COL6A5: variants seen among roughly 807,000 people sequenced by gnomAD.
COL6A5 encodes the protein collagen type VI alpha 5 chain, also known as collagen alpha-5(VI) chain.
Under a neutral mutation model 65.6 loss-of-function variants are expected in COL6A5, and 48 were observed. The ratio of observed to expected loss-of-function variants is 0.73; its 90% CI spans 0.58 to 0.93. The LOEUF is 0.93. Among genes scored for constraint, COL6A5 ranks in the 40% least tolerant of loss-of-function variants. The pLI, the probability that COL6A5 is intolerant of heterozygous loss-of-function variation, is 0.00. For synonymous variants in COL6A5, 291 were observed against 322.8 expected, an observed-to-expected ratio of 0.90 and a Z score of 1.05; for missense variants, 914 against 928.3, an observed-to-expected ratio of 0.98 and a Z score of 0.20.
intron 24 of COL6A5, among the ~76,000 whole-genome samples, chr3:130,417,220 T>C (rs1937370686): frequency 6.6e-6 from 1 of 152,154 alleles, no homozygotes; most frequent in Admixed American, 6.5e-5. Flanking sequence ...TTGCTGAGAA[T>C]GATGGCTTCC....
chr3:130,482,417 TACC>T (rs1232599105), intron 7 of COL6A5, among the ~76,000 whole-genome samples: 1 of 152,222 alleles, frequency 6.6e-6, no homozygotes, highest in East Asian at 1.9e-4. Flanking sequence ...TCTGTGTTGA[TACC>T]AATACCATGC....
chr3:130,395,506 C>A, intron 8 of COL6A5, 41 bp downstream of exon 8: 1 of 1,410,080 alleles, frequency 7.1e-7, no homozygotes, highest in South Asian at 1.3e-5. Flanking sequence ...GGAAACTTCT[C>A]ATTTCTCCAT....
At chr3:130,351,970 T>C (rs973809483) in intron 1 of COL6A5, among the ~76,000 whole-genome samples, 12 of 152,168 alleles carry the variant, frequency 7.9e-5, no homozygotes, top group African/African-American at 2.9e-4. Context: ...TGGAATACTA[T>C]GCAGCCATAA....
intron 1 of COL6A5, among the ~76,000 whole-genome samples, chr3:130,347,092 A>G (rs1040134259): frequency 1.3e-5 from 2 of 152,150 alleles, no homozygotes; most frequent in Admixed American, 1.3e-4. Context: ...TTGTGTTGTT[A>G]TTATTATTCT....
In COL6A5 at chr3:130,409,312, T is replaced by C; in HGVS notation, c.4480-14T>C. On this transcript the variant is annotated splice_polypyrimidine_tract_variant and intron_variant and NMD_transcript_variant, in intron 17 of 41. Transcript: ENST00000312481. Reference sequence around the variant, plus strand: ...CCTACAAGCTAACTCAGAAATTCATTTCATTTTTTTCAGGGCAGCCCAGGT... The same window carrying C: ...CCTACAAGCTAACTCAGAAATTCATCTCATTTTTTTCAGGGCAGCCCAGGT... The C allele has an allele frequency of 6.5e-7, 1 of 1,533,730 alleles. No individual in the cohort carries two copies.
chr3:130,379,979 T>G (rs1185571793), exon 4 of COL6A5: 1 of 1,550,878 alleles, frequency 6.4e-7, no homozygotes, highest in East Asian at 2.4e-5. Flanking sequence ...ACAAAGTTCC[T>G]GAAAAAGCTC....
At chr3:130,388,559 C>CTT in intron 5 of COL6A5, 21 bp from the exon 6 acceptor site, 1 of 1,470,284 alleles carries the variant, frequency 6.8e-7, no homozygotes, top group Non-Finnish European at 9.0e-7. Flanking sequence ...TATTTCTGGT[C>CTT]TTTTTTTTTA....
intron 5 of COL6A5, among the ~76,000 whole-genome samples, 160 bp from the exon 6 acceptor site, chr3:130,388,420 G>C (rs550774521): frequency 4.6e-5 from 7 of 152,218 alleles, no homozygotes; most frequent in Admixed American, 2.0e-4. Context: ...TAGTCAACCA[G>C]CTTCTACTAA....
intron 4 of COL6A5, among the ~76,000 whole-genome samples, chr3:130,454,545 A>T (rs1162246706): frequency 6.6e-6 from 1 of 152,184 alleles, no homozygotes; most frequent in Non-Finnish European, 1.5e-5. Flanking sequence ...GCAAACACGG[A>T]CATTGAAATT....
intron 7 of COL6A5, among the ~76,000 whole-genome samples, chr3:130,394,425 T>G (rs1480041816): frequency 6.6e-6 from 1 of 152,178 alleles, no homozygotes; most frequent in Non-Finnish European, 1.5e-5. Context: ...GTTGTTAGTG[T>G]ATGCCAAAAG....
Position 130,374,281 on chromosome 3 carries a change from C to T in COL6A5, c.67+576C>T, listed in dbSNP as rs1935679940. Among the ~76,000 whole-genome samples, 3 of 152,234 alleles carry T rather than the reference C, an allele frequency of 2.0e-5. No homozygotes were observed. In the South Asian group the frequency reaches 6.2e-4, roughly 32 times the overall value. ...AGGGCATATGATACAACCTATTGCT[C>T]ATAGGCTAAAAACCTGTACTGCATG... On this transcript the variant is annotated intron_variant and NMD_transcript_variant, in intron 2 of 41. Coordinates refer to the COL6A5 transcript ENST00000312481.
chr3:130,441,844 A>G (rs566071320), intron 3 of COL6A5, among the ~76,000 whole-genome samples: 4 of 152,322 alleles, frequency 2.6e-5, no homozygotes, highest in African/African-American at 9.6e-5. Context: ...ATGTTGAGAA[A>G]CACTTCTCCA....
At position 130,354,142 on chromosome 3, in the gene COL6A5, G is replaced by A. The variant is rs372867764; in HGVS notation, c.-29+8161G>A. ...AGGAAGGAAGGAAAGAAGGAAGGAA[G>A]GAAGATTAGCATGATGATATTTAAG... On this transcript the variant is annotated intron_variant and NMD_transcript_variant, in intron 1 of 41. Coordinates refer to the COL6A5 transcript ENST00000312481. Among the ~76,000 whole-genome samples the A allele has an allele frequency of 1.5e-4, 22 of 150,578 alleles. No homozygotes were observed. In the East Asian group the frequency reaches 4.3e-3, roughly 29 times the overall value.
At chr3:130,483,945 A>T in intron 7 of COL6A5, 90 bp from the exon 41 acceptor site, 1 of 1,104,406 alleles carries the variant, frequency 9.1e-7, no homozygotes, top group Non-Finnish European at 1.3e-6. Context: ...TGTTTGTTTT[A>T]TATGTGGCAT....
exon 28 of COL6A5, chr3:130,422,768 T>C: frequency 6.6e-7 from 1 of 1,515,100 alleles, no homozygotes; most frequent in Non-Finnish European, 8.9e-7. Flanking sequence ...ACCCAAAGGA[T>C]TTAGGGGACT....
In COL6A5 at chr3:130,401,750, T is replaced by C. The variant is rs137878512; in HGVS notation, c.4135-12T>C. ...AATTGCTATTCCCTCAGCTTTACTT[T>C]TTTTCCCCCAGGGAAATATTGCAGA... On this transcript the variant is annotated splice_polypyrimidine_tract_variant and intron_variant and NMD_transcript_variant, in intron 11 of 41. Transcript: ENST00000312481. 96 of 1,547,232 alleles carry C rather than the reference T, an allele frequency of 6.2e-5. 1 individual carries two copies. The East Asian group carries it at 2.3e-3, about 37-fold the overall frequency.
chr3:130,426,323 C>T (rs1246998900), intron 30 of COL6A5, 44 bp from the exon 31 acceptor site: 2 of 1,550,848 alleles, frequency 1.3e-6, no homozygotes, highest in Non-Finnish European at 1.7e-6. Context: ...TCAAAAGTCA[C>T]TGTACTTGCA....
At chr3:130,437,076 A>C (rs553651942) in intron 1 of COL6A5, among the ~76,000 whole-genome samples, 2 of 152,242 alleles carry the variant, frequency 1.3e-5, no homozygotes, top group African/African-American at 4.8e-5. Flanking sequence ...CATCACAGCT[A>C]ATAAAAATCC....
At chr3:130,406,299 A>G (rs1216204547) in exon 17 of COL6A5, 42 of 1,547,244 alleles carry the variant, frequency 2.7e-5, no homozygotes, top group Admixed American at 3.9e-5. Flanking sequence ...ATAAAAGGAG[A>G]AAAAGGTGAT....
Sources: gnomAD v4.1 joint callset for allele counts (sites outside exome capture counted in the v4.1 genomes callset) on GRCh38, gnomAD v4.1.1 for gene constraint, MANE v1.5 for transcripts, NCBI Gene and HGNC (gene_info 2026-07-23, HGNC 2026-07-21) for gene names.